The following BAIAP2L1 variants were observed in gnomAD, a reference collection of about 807,000 sequenced individuals.
The protein encoded by BAIAP2L1 is BAR/IMD domain containing adaptor protein 2 like 1, also known as BAR/IMD domain-containing adapter protein 2-like 1.
A neutral mutation model predicts 66.3 loss-of-function variants in BAIAP2L1; 35 were observed. The observed-to-expected ratio is 0.53, with a 90% confidence interval of 0.40 to 0.70. The LOEUF (loss-of-function observed/expected upper bound fraction) is 0.70, where lower values mean the gene tolerates loss of function less well. Ranked by LOEUF, BAIAP2L1 falls within the 30% of genes least tolerant of loss-of-function variation. The pLI, the probability that BAIAP2L1 is intolerant of heterozygous loss-of-function variation, is 0.00. For missense variants in BAIAP2L1, 622 were observed against 656.9 expected (o/e 0.95, Z 0.58); for synonymous variants, 269 against 248.7 (o/e 1.08, Z -0.77).
chr7:98,308,217 T>C (rs1562967786), intron 9 of BAIAP2L1: 1 of 528,212 alleles, frequency 1.9e-6, no homozygotes, highest in Admixed American at 2.2e-5. Context: ...TGGCTCTTCT[T>C]AGAGAGACAA....
chr7:98,315,039 G>A (rs1490814925), intron 7 of BAIAP2L1, among the ~76,000 whole-genome samples: 2 of 152,198 alleles, frequency 1.3e-5, no homozygotes, highest in African/African-American at 4.8e-5. Flanking sequence ...CAGTTTCTCT[G>A]GAATCTTTTC....
chr7:98,363,994 T>C (rs1802333283), intron 1 of BAIAP2L1, among the ~76,000 whole-genome samples: 2 of 151,902 alleles, frequency 1.3e-5, no homozygotes, highest in African/African-American at 4.8e-5. Flanking sequence ...TATTTTTGTA[T>C]TTATTGCTGC....
rs772412117 is a variant in BAIAP2L1, at chr7:98,317,237, A to G, written c.468T>C (p.Tyr156=). The G allele has an allele frequency of 1.2e-6, 2 of 1,614,236 alleles. No homozygotes were observed. The highest frequency in any genetic ancestry group is 3.3e-5 in the Admixed American group (2 of 60,024). The change falls in exon 6 of 14, where the codon TAT becomes TAC. Residue 156 remains tyrosine (Y), a synonymous_variant. Coordinates refer to ENST00000005260, the MANE Select transcript of BAIAP2L1 (RefSeq NM_018842.5). The part of the protein sequence containing the change: ...KSQGSRNALK[Y]EHKEIEYVET... ...AGCTCACCTCAATTTCTTTGTGTTC[A>G]TATTTGAGTGCGTTTCGGCTTCCTT...
At chr7:98,395,366 G>A (rs1175628910) in intron 1 of BAIAP2L1, among the ~76,000 whole-genome samples, 1 of 151,630 alleles carries the variant, frequency 6.6e-6, no homozygotes, top group Non-Finnish European at 1.5e-5. Context: ...TTGAACCTGG[G>A]AGGTGGAGGT....
At chr7:98,370,563 G>A (rs545542149) in intron 1 of BAIAP2L1, among the ~76,000 whole-genome samples, 21 of 151,568 alleles carry the variant, frequency 1.4e-4, no homozygotes, top group Non-Finnish European at 1.5e-4. Flanking sequence ...GTGCAGTGGC[G>A]CGATCTCGGC....
intron 6 of BAIAP2L1, among the ~76,000 whole-genome samples, chr7:98,315,925 CAG>C (rs774705040): frequency 3.5e-4 from 54 of 152,270 alleles, no homozygotes; most frequent in Non-Finnish European, 6.2e-4. Flanking sequence ...GCTTTGGAAC[CAG>C]AAAGTTCCAG....
At chr7:98,313,489 G>A (rs1800954949) in intron 7 of BAIAP2L1, among the ~76,000 whole-genome samples, 1 of 152,010 alleles carries the variant, frequency 6.6e-6, no homozygotes, top group African/African-American at 2.4e-5. Context: ...TGCGACCCTG[G>A]TGCCACAGGA....
chr7:98,317,279 C>T lies in BAIAP2L1; in HGVS notation c.426G>A (p.Lys142=). 2 of 1,614,150 alleles carry T rather than the reference C, an allele frequency of 1.2e-6. No individual in the cohort carries two copies. Among genetic ancestry groups the T allele is most frequent in the Non-Finnish European group, 1.7e-6 (2 of 1,179,966 alleles). The part of the protein sequence containing the change: ...SLEKSQAELK[K]IRRKSQGSRN... ...GGCTTCCTTGGCTTTTCCTTCTGAT[C>T]TTCTTCAACTCAGCTTGGGATTTCT... Residue 142 remains lysine, a synonymous_variant, in exon 6 of 14, where the codon AAG becomes AAA. Transcript: ENST00000005260.
At chr7:98,389,527 G>A (rs1281763240) in intron 1 of BAIAP2L1, among the ~76,000 whole-genome samples, 1 of 151,918 alleles carries the variant, frequency 6.6e-6, no homozygotes, top group Non-Finnish European at 1.5e-5. Context: ...CACCATGTTG[G>A]CCAAGCTGGT....
At position 98,304,259 on chromosome 7, in the gene BAIAP2L1, T is replaced by C. The variant is rs767036439; in HGVS notation, c.1359A>G (p.Ala453=). 14 of 1,613,652 alleles carry C rather than the reference T, an allele frequency of 8.7e-6. No homozygotes were observed. The African/African-American group carries it at 1.9e-4, about 22-fold the overall frequency. The change falls in exon 12 of 14, where the codon GCA becomes GCG. Residue 453 remains alanine, a synonymous_variant. Coordinates refer to ENST00000005260, the MANE Select transcript of BAIAP2L1 (RefSeq NM_018842.5). ...LSMGAAADRR[A]DSARTTSTFK... ...AGGTGGATGTCGTCCTGGCCGAATCTGCTCTCCTGTCGGCAGCTGCCCCCA... is the reference window on the plus strand; with the variant it reads ...AGGTGGATGTCGTCCTGGCCGAATCCGCTCTCCTGTCGGCAGCTGCCCCCA...
At chr7:98,320,216 A>G in intron 4 of BAIAP2L1, 21 bp downstream of exon 4, 3 of 1,598,706 alleles carry the variant, frequency 1.9e-6, no homozygotes, top group Non-Finnish European at 2.6e-6. Flanking sequence ...TATTTTGTAA[A>G]TAGAAACACA....
intron 2 of BAIAP2L1, among the ~76,000 whole-genome samples, chr7:98,360,975 C>T (rs1266954211): frequency 6.6e-6 from 1 of 152,208 alleles, no homozygotes; most frequent in Non-Finnish European, 1.5e-5. Flanking sequence ...AGCCAGCTCA[C>T]ACCCTTTCCT....
chr7:98,379,273 C>T (rs1802704720), intron 1 of BAIAP2L1, among the ~76,000 whole-genome samples: 1 of 152,178 alleles, frequency 6.6e-6, no homozygotes, highest in Non-Finnish European at 1.5e-5. Flanking sequence ...TTCTCAGCAG[C>T]AGCAGGTTCT....
intron 1 of BAIAP2L1, among the ~76,000 whole-genome samples, chr7:98,397,906 C>A (rs542318744): frequency 2.6e-4 from 40 of 152,114 alleles, no homozygotes; most frequent in Admixed American, 9.8e-4. Flanking sequence ...TGGGAGTTAG[C>A]ATGGATCTCC....
At chr7:98,314,580 CTG>C (rs1042092002) in intron 7 of BAIAP2L1, among the ~76,000 whole-genome samples, 2 of 152,166 alleles carry the variant, frequency 1.3e-5, no homozygotes, top group East Asian at 1.9e-4. Context: ...AACCTCACAG[CTG>C]TGTGTGTTGG....
chr7:98,387,043 C>T (rs1051330282), intron 1 of BAIAP2L1, among the ~76,000 whole-genome samples: 16 of 152,158 alleles, frequency 1.1e-4, no homozygotes, highest in African/African-American at 3.6e-4. Flanking sequence ...TAAAACTCCT[C>T]TCAAACTTAA....
At chr7:98,347,991 G>A (rs1177833976) in intron 3 of BAIAP2L1, among the ~76,000 whole-genome samples, 2 of 152,028 alleles carry the variant, frequency 1.3e-5, no homozygotes, top group Non-Finnish European at 2.9e-5. Context: ...CTGTTGTGGG[G>A]TGGGAGGCTA....
rs562394412 is a variant in BAIAP2L1, at chr7:98,387,847, G to A, written c.51+12955C>T. Among the ~76,000 whole-genome samples the A allele has an allele frequency of 2.0e-5, 3 of 151,940 alleles. No homozygotes were observed. In the South Asian group the frequency reaches 6.2e-4, roughly 32 times the overall value. ...TGTGCCATTTCACTCCAGCCTGGGC[G>A]ACAGAGTTAAGACCCTGTCTCAAAA... On this transcript the variant is annotated intron_variant, in intron 1 of 13. Transcript: ENST00000005260.
At chr7:98,294,497 G>A (rs918445409) in intron 12 of BAIAP2L1, among the ~76,000 whole-genome samples, 4 of 152,334 alleles carry the variant, frequency 2.6e-5, no homozygotes, top group South Asian at 2.1e-4. Flanking sequence ...CGGGTCACCC[G>A]TGATGTCGGG....
Sources: gnomAD v4.1 joint callset for allele counts (sites outside exome capture counted in the v4.1 genomes callset) on GRCh38, gnomAD v4.1.1 for gene constraint, MANE v1.5 for transcripts, NCBI Gene and HGNC (gene_info 2026-07-23, HGNC 2026-07-21) for gene names.